The following TBC1D2 variants were observed in gnomAD, a reference collection of about 807,000 sequenced individuals.
TBC1D2 encodes TBC1 domain family member 2A.
TBC1D2 carries 58 observed loss-of-function variants against 91.1 expected under a neutral mutation model. The ratio of observed to expected loss-of-function variants is 0.64; its 90% CI spans 0.52 to 0.79. The LOEUF (loss-of-function observed/expected upper bound fraction) is 0.79, where lower values mean the gene tolerates loss of function less well. TBC1D2 is among the 30% of genes least tolerant of loss of function. TBC1D2 has a pLI of 0.00. For synonymous variants in TBC1D2, 482 were observed against 511.5 expected, an observed-to-expected ratio of 0.94 and a Z score of 0.78; for missense variants, 1,080 against 1,208.3, an observed-to-expected ratio of 0.89 and a Z score of 1.57.
At chr9:98,243,962 T>C in intron 3 of TBC1D2, 32 bp downstream of exon 3, 1 of 1,583,876 alleles carries the variant, frequency 6.3e-7, no homozygotes, top group Non-Finnish European at 8.6e-7. Context: ...TGCCTGCAGC[T>C]TGGCTAGCCC....
chr9:98,229,234 C>G, intron 4 of TBC1D2, 86 bp from the exon 5 acceptor site: 1 of 1,315,548 alleles, frequency 7.6e-7, no homozygotes, highest in Non-Finnish European at 1.1e-6. Flanking sequence ...ACCTGGAGGG[C>G]TTGTTAAAAT....
At position 98,213,302 on chromosome 9, in the gene TBC1D2, A is replaced by G; in HGVS notation, c.1375-84T>C. 4 of 1,565,508 alleles carry G rather than the reference A, an allele frequency of 2.6e-6. No individual in the cohort carries two copies. In the South Asian group the frequency reaches 4.7e-5, roughly 18 times the overall value. ...GAGTCACACCCTCAAATGAGCCCCC[A>G]AAGCTTCTTTTCCTTAGAAATTTCC... On this transcript the variant is annotated intron_variant, in intron 6 of 12. Coordinates refer to ENST00000465784, the MANE Select transcript of TBC1D2 (RefSeq NM_001267571.2).
intron 2 of TBC1D2, among the ~76,000 whole-genome samples, chr9:98,247,077 C>T (rs1829779203): frequency 6.6e-6 from 1 of 151,806 alleles, no homozygotes; most frequent in Non-Finnish European, 1.5e-5. Context: ...CCTGTAATCC[C>T]AGCACTTTGG....
rs201571461 is a variant in TBC1D2, at chr9:98,199,500, C to T, written c.2668G>A (p.Glu890Lys). 95 of 1,614,166 alleles carry T rather than the reference C, an allele frequency of 5.9e-5. No homozygotes were observed. Among genetic ancestry groups the T allele is most frequent in the Non-Finnish European group, 7.9e-5 (93 of 1,180,034 alleles). Residue 890 changes from glutamate to lysine, a missense_variant, in exon 13 of 13, where the codon GAG becomes AAG. Physicochemically the swap from Glu to Lys is moderately conservative, Grantham distance 56. Transcript: ENST00000465784. ...TGCTCCAGCTCCCGCAGCTCAGCCT[C>T]CAGCCGCTCCCGGTGGACCATGCGC... ...QLRMVHRERL[E>K]AELRELEQLK... is the part of the protein sequence containing the mutation.
At chr9:98,211,916 G>C (rs1040078067) in intron 7 of TBC1D2, among the ~76,000 whole-genome samples, 1 of 151,866 alleles carries the variant, frequency 6.6e-6, no homozygotes, top group African/African-American at 2.4e-5. Flanking sequence ...TCGTGCCTCA[G>C]CCTCCTGAGT....
intron 4 of TBC1D2, among the ~76,000 whole-genome samples, chr9:98,232,256 T>C (rs1256698552): frequency 1.3e-5 from 2 of 152,022 alleles, no homozygotes; most frequent in African/African-American, 2.4e-5. Flanking sequence ...TGGCCTTCTC[T>C]TGGACTGCTT....
chr9:98,228,189 G>C lies in TBC1D2; in HGVS notation c.978+763C>G, dbSNP rs1829280805. Among the ~76,000 whole-genome samples, 3 of 152,280 alleles carry C rather than the reference G, an allele frequency of 2.0e-5. No individual in the cohort carries two copies. The South Asian group carries it at 6.2e-4, about 32-fold the overall frequency. On this transcript the variant is annotated intron_variant, in intron 5 of 12. Transcript: ENST00000465784. The surrounding 1 kb of genome is among the most constrained non-coding windows in gnomAD (Gnocchi z 4.0). ...CAGGTCCTACCAGGCCCCACCGTTGGGATTTATGTAACAACTGCCTAACTT... is the reference window on the plus strand; with the variant it reads ...CAGGTCCTACCAGGCCCCACCGTTGCGATTTATGTAACAACTGCCTAACTT...
chr9:98,241,521 C>G (rs1028427078), intron 3 of TBC1D2, among the ~76,000 whole-genome samples: 1 of 152,192 alleles, frequency 6.6e-6, no homozygotes, highest in African/African-American at 2.4e-5. Context: ...AGTAGCCTGG[C>G]ATTTTCTGTG....
intron 12 of TBC1D2, 107 bp from the exon 13 acceptor site, chr9:98,199,695 G>T: frequency 8.4e-7 from 1 of 1,185,132 alleles, no homozygotes; most frequent in Non-Finnish European, 1.2e-6. Flanking sequence ...TTGTGGCTGA[G>T]CCCTGACCCC....
chr9:98,212,963 A>C (rs1828884033), intron 7 of TBC1D2, 145 bp downstream of exon 7: 1 of 826,884 alleles, frequency 1.2e-6, no homozygotes, highest in Non-Finnish European at 1.9e-6. Context: ...CTGGAGAAGA[A>C]CCTGATATGG....
chr9:98,251,639 A>C, intron 2 of TBC1D2, 146 bp downstream of exon 2: 2 of 1,277,720 alleles, frequency 1.6e-6, no homozygotes, highest in Middle Eastern at 2.7e-4. Context: ...CCTCAGCCCA[A>C]ATTCTTGCCC....
intron 8 of TBC1D2, among the ~76,000 whole-genome samples, chr9:98,210,218 C>T (rs1010814397): frequency 2.0e-5 from 3 of 152,174 alleles, no homozygotes; most frequent in Admixed American, 6.5e-5. Flanking sequence ...CTCCAAAGCT[C>T]GAGCTCCTGC....
Position 98,200,219 on chromosome 9 carries a change from G to A in TBC1D2, c.2579+34C>T, listed in dbSNP as rs140173513. ...GCTATGTGTCCTTGGGGGTGTGTGAGTGGTGGGAGTGGCAGGGGGTGGGGG... is the reference window on the plus strand; with the variant it reads ...GCTATGTGTCCTTGGGGGTGTGTGAATGGTGGGAGTGGCAGGGGGTGGGGG... On this transcript the variant is annotated intron_variant, in intron 12 of 12. Coordinates refer to ENST00000465784, the MANE Select transcript of TBC1D2 (RefSeq NM_001267571.2). 5 of 1,612,240 alleles carry A rather than the reference G, an allele frequency of 3.1e-6. No homozygotes were observed. The African/African-American group carries it at 4.0e-5, about 13-fold the overall frequency.
rs747203216 is a variant in TBC1D2 at position 98,221,108 on chromosome 9, G to A, written c.1099C>T (p.Arg367Trp). 4.4e-6 allele frequency: 7 copies of A among 1,601,400 alleles called. No individual in the cohort carries two copies. Among genetic ancestry groups the A allele is most frequent in the South Asian group, 2.2e-5 (2 of 89,768 alleles). ...CGCCGGCCCAGCTCCGCGATCTGCC[G>A]CACTTTGTGCCGCACCAGCTCCAGC... ...DRLELVRHKVRQIAELGRRVE... is the reference protein window; with the variant it reads ...DRLELVRHKVWQIAELGRRVE... The change falls in exon 6 of 13, where the codon CGG becomes TGG. Residue 367 changes from arginine to tryptophan, a missense_variant. Coordinates refer to ENST00000465784, the MANE Select transcript of TBC1D2 (RefSeq NM_001267571.2).
chr9:98,248,081 G>A (rs1192786008), intron 2 of TBC1D2, among the ~76,000 whole-genome samples: 7 of 152,206 alleles, frequency 4.6e-5, no homozygotes, highest in Non-Finnish European at 8.8e-5. Context: ...GTTGAGTTTT[G>A]TGGCCAAAGT....
Position 98,241,319 on chromosome 9 carries a change from C to T in TBC1D2, c.647+2675G>A, listed in dbSNP as rs915105626. 3.9e-5 allele frequency among the ~76,000 whole-genome samples: 6 copies of T among 152,134 alleles called. 1 individual carries two copies. Among genetic ancestry groups the T allele is most frequent in the Admixed American group, 3.3e-4 (5 of 15,272 alleles). ...ACTTCACAGGTTTGTCTAGAGAACT[C>T]GAGAGCATAAAGCACCCAACACAGT... On this transcript the variant is annotated intron_variant, in intron 3 of 12. Coordinates refer to ENST00000465784, the MANE Select transcript of TBC1D2 (RefSeq NM_001267571.2).
In TBC1D2 at chr9:98,221,123, C is replaced by A. The variant is rs1404135883; in HGVS notation, c.1084G>T (p.Val362Leu). 6.3e-7 allele frequency: 1 copy of A among 1,591,704 alleles called. No homozygotes were observed. Among genetic ancestry groups the A allele is most frequent in the East Asian group, 2.3e-5 (1 of 43,482 alleles). The change falls in exon 6 of 13, where the codon GTG (valine) becomes TTG (leucine). Residue 362 changes from valine (V) to leucine (L), a missense_variant. By Grantham distance (32) the Val-to-Leu change is conservative (BLOSUM62 1). Coordinates refer to ENST00000465784, the MANE Select transcript of TBC1D2 (RefSeq NM_001267571.2). The part of the protein sequence containing the change: ...AAEDKDRLEL[V>L]RHKVRQIAEL... ...GCGATCTGCCGCACTTTGTGCCGCA[C>A]CAGCTCCAGCCGGTCCTTGTCCTCA...
intron 6 of TBC1D2, among the ~76,000 whole-genome samples, chr9:98,218,561 C>T (rs998101633): frequency 4.0e-5 from 6 of 151,662 alleles, no homozygotes; most frequent in South Asian, 2.1e-4. Context: ...AGCAAGACTC[C>T]GTCTCAAAAA....
intron 3 of TBC1D2, among the ~76,000 whole-genome samples, chr9:98,235,928 G>A (rs909182776): frequency 2.0e-5 from 3 of 151,810 alleles, no homozygotes; most frequent in Non-Finnish European, 4.4e-5. Flanking sequence ...CCGGCTACTT[G>A]GGAGGCTGAG....
Sources: gnomAD v4.1 joint callset for allele counts (sites outside exome capture counted in the v4.1 genomes callset) on GRCh38, gnomAD v4.1.1 for gene constraint, Gnocchi (gnomAD v3.1) non-coding constraint, MANE v1.5 for transcripts, NCBI Gene and HGNC (gene_info 2026-07-23, HGNC 2026-07-21) for gene names.